Variants in LSG1 observed in about 807,000 individuals in gnomAD.
The protein encoded by LSG1 is large 60S subunit nuclear export GTPase 1.
Under a neutral mutation model 82.6 loss-of-function variants are expected in LSG1, and 55 were observed. The ratio of observed to expected loss-of-function variants is 0.67; its 90% CI spans 0.54 to 0.83. LSG1 has a LOEUF of 0.83. LSG1 is among the 40% of genes least tolerant of loss of function. LSG1 has a pLI of 0.00. For missense variants in LSG1, 809 were observed against 807.9 expected (o/e 1.00, Z -0.02); for synonymous variants, 272 against 282.5 (o/e 0.96, Z 0.37).
chr3:194,672,032 AAAGAT>A (rs762140029), intron 1 of LSG1, 27 bp downstream of exon 1: 55 of 1,593,862 alleles, frequency 3.5e-5, no homozygotes, highest in Admixed American at 5.0e-5. Context: ...GCTAGACAGA[AAAGAT>A]AAGAAAGATG....
Position 194,650,970 on chromosome 3 carries a change from G to T in LSG1, c.1330C>A (p.Pro444Thr), listed in dbSNP as rs373595145. 1 of 1,614,002 alleles carries T rather than the reference G, an allele frequency of 6.2e-7. No homozygotes were observed. Among genetic ancestry groups the T allele is most frequent in the African/African-American group, 1.3e-5 (1 of 74,900 alleles). Residue 444 changes from proline to threonine, a missense_variant, in exon 10 of 14, where the codon CCA becomes ACA. Physicochemically the swap from Pro to Thr is conservative, Grantham distance 38 (BLOSUM62 -1). Transcript: ENST00000265245. ...CLCDCPGLVM[P>T]SFVSTKAEMT... ...TCTGCCTTGGTAGACACAAAAGATG[G>T]CATCACCAAGCCAGGACAGTCACAC... is the stretch of plus-strand genomic sequence containing the variant.
intron 11 of LSG1, among the ~76,000 whole-genome samples, chr3:194,646,625 A>G (rs562452222): frequency 6.6e-6 from 1 of 152,310 alleles, no homozygotes; most frequent in African/African-American, 2.4e-5. Context: ...GGTTCAAGCA[A>G]TTCTGATGCC....
intron 13 of LSG1, 47 bp from the exon 14 acceptor site, chr3:194,642,294 T>C (rs1258497498): frequency 1.3e-6 from 2 of 1,549,802 alleles, no homozygotes; most frequent in South Asian, 2.3e-5. Context: ...CAGGCTATCC[T>C]TTAAGGGATA....
At chr3:194,646,477 T>C (rs888293658) in intron 11 of LSG1, 1 of 381,392 alleles carries the variant, frequency 2.6e-6, no homozygotes, top group African/African-American at 2.1e-5. Context: ...GAAAGACAAA[T>C]TCGATTTCTC....
In LSG1 at chr3:194,659,067, G is replaced by GC; in HGVS notation, c.648dup (p.Leu217AlafsTer4). 1 of 1,614,060 alleles carries GC rather than the reference G, an allele frequency of 6.2e-7. No homozygotes were observed. The highest frequency in any genetic ancestry group is 1.1e-5 in the South Asian group (1 of 91,078). On this transcript the variant is annotated frameshift_variant, in exon 7 of 14. Transcript: ENST00000265245. LOFTEE classifies it high-confidence loss of function. ...CAGGCACTCCGCTGCTCAGCAGTCA[G>GC]CAAGTCTGCCTTGTTGATCAGAATG...
Position 194,644,647 on chromosome 3 carries a change from T to G in LSG1, c.1723A>C (p.Ile575Leu). 6.2e-7 allele frequency: 1 copy of G among 1,613,484 alleles called. No individual in the cohort carries two copies. Residue 575 changes from isoleucine (I) to leucine (L), a missense_variant, in exon 13 of 14, where the codon ATA becomes CTA. Ile to Leu is a conservative substitution (Grantham distance 5). Transcript: ENST00000265245. ...LLENKMNSDE[I>L]KMQLGRNKKA... ...TTATTTCTGCCTAGCTGCATTTTTA[T>G]TTCATCACTGTTCATTTTGTTCTCT...
In LSG1 at chr3:194,642,187, C is replaced by G. The variant is rs770014838; in HGVS notation, c.1858G>C (p.Gly620Arg). 6.2e-7 allele frequency: 1 copy of G among 1,614,116 alleles called. No homozygotes were observed. The highest frequency in any genetic ancestry group is 8.5e-7 in the Non-Finnish European group (1 of 1,180,028). Reference sequence around the variant, plus strand: ...CTCGCAGTGGATGCAGTCACTACACCACTCCCGGGCTTGTAACCCATCACA... The same window carrying G: ...CTCGCAGTGGATGCAGTCACTACACGACTCCCGGGCTTGTAACCCATCACA... Reference protein sequence around the residue: ...QAVMGYKPGSGVVTASTASSE... With the variant: ...QAVMGYKPGSRVVTASTASSE... The change falls in exon 14 of 14, where the codon GGT (glycine) becomes CGT (arginine). Residue 620 changes from glycine (G) to arginine (R), a missense_variant. Physicochemically the swap from Gly to Arg is moderately radical, Grantham distance 125. Coordinates refer to ENST00000265245, the MANE Select transcript of LSG1 (RefSeq NM_018385.3).
intron 10 of LSG1, among the ~76,000 whole-genome samples, chr3:194,650,101 G>C (rs1488477738): frequency 6.6e-6 from 1 of 152,062 alleles, no homozygotes. Flanking sequence ...TGTATTTTTA[G>C]TAGAGACAGG....
chr3:194,665,875 T>C (rs1719019935), intron 4 of LSG1, among the ~76,000 whole-genome samples: 1 of 152,200 alleles, frequency 6.6e-6, no homozygotes, highest in East Asian at 1.9e-4. Context: ...AGTTTACCTA[T>C]CACACAAAGT....
chr3:194,667,666 G>A (rs917823510), intron 2 of LSG1, among the ~76,000 whole-genome samples: 1 of 151,662 alleles, frequency 6.6e-6, no homozygotes. Flanking sequence ...GCTCACGTCT[G>A]TAATCCCAGC....
intron 7 of LSG1, among the ~76,000 whole-genome samples, chr3:194,655,609 T>A (rs1205524646): frequency 1.3e-5 from 2 of 152,210 alleles, no homozygotes; most frequent in Non-Finnish European, 2.9e-5. Context: ...ATTAATTTTA[T>A]GGGTTAGTTT....
At chr3:194,669,146 C>T (rs1438039029) in intron 2 of LSG1, among the ~76,000 whole-genome samples, 2 of 152,092 alleles carry the variant, frequency 1.3e-5, no homozygotes, top group Non-Finnish European at 1.5e-5. Flanking sequence ...TTAATAATAA[C>T]ACATTTATTA....
chr3:194,667,303 G>A (rs962473743), intron 2 of LSG1, among the ~76,000 whole-genome samples: 3 of 151,914 alleles, frequency 2.0e-5, no homozygotes, highest in Admixed American at 6.6e-5. Flanking sequence ...CGCCCGCCTC[G>A]GCCTCCCAAA....
chr3:194,666,102 T>C, intron 4 of LSG1, 101 bp downstream of exon 4: 1 of 1,047,622 alleles, frequency 9.5e-7, no homozygotes, highest in African/African-American at 1.6e-5. Context: ...ATTTCCTTCT[T>C]AAAAGAATCA....
At chr3:194,669,222 T>C (rs926328592) in intron 2 of LSG1, among the ~76,000 whole-genome samples, 11 of 152,322 alleles carry the variant, frequency 7.2e-5, no homozygotes, top group South Asian at 2.1e-4. Flanking sequence ...AAAAAAACAA[T>C]GTGAGGTGAT....
chr3:194,654,620 A>T (rs1384603199), intron 7 of LSG1, among the ~76,000 whole-genome samples: 1 of 152,214 alleles, frequency 6.6e-6, no homozygotes, highest in African/African-American at 2.4e-5. Context: ...CAGTGTCGTC[A>T]CTGTGGGCTC....
In LSG1 at chr3:194,672,134, C is replaced by T; in HGVS notation, c.29G>A (p.Gly10Glu). 6.2e-7 allele frequency: 1 copy of T among 1,606,178 alleles called. No individual in the cohort carries two copies. The highest frequency in any genetic ancestry group is 8.5e-7 in the Non-Finnish European group (1 of 1,179,972). Residue 10 changes from glycine to glutamate, a missense_variant, in exon 1 of 14, where the codon GGG becomes GAG. Gly to Glu is a moderately conservative substitution (Grantham distance 98). Transcript: ENST00000265245. Reference sequence around the variant, plus strand: ...GCGCATAAGGGCCCGTCCCAGCGACCCACCGGCCGGGGCTCTCCTCCGGCC... The same window carrying T: ...GCGCATAAGGGCCCGTCCCAGCGACTCACCGGCCGGGGCTCTCCTCCGGCC... MGRRRAPAG[G>E]SLGRALMRHQ...
chr3:194,648,719 C>T lies in LSG1; in HGVS notation c.1505G>A (p.Arg502Gln), dbSNP rs377238265. 137 of 1,613,890 alleles carry T rather than the reference C, an allele frequency of 8.5e-5. No homozygotes were observed. Among genetic ancestry groups the T allele is most frequent in the East Asian group, 1.1e-4 (5 of 44,894 alleles). The part of the protein sequence containing the change: ...ITPREDEDPH[R>Q]PPTSEELLTA... ...CAACAGTTCTTCCGATGTTGGAGGT[C>T]GGTGGGGATCTTCATCCTCTCTAGG... Residue 502 changes from arginine (R) to glutamine (Q), a missense_variant, in exon 11 of 14, where the codon CGA becomes CAA. Arg to Gln is a conservative substitution (Grantham distance 43). Coordinates refer to ENST00000265245, the MANE Select transcript of LSG1 (RefSeq NM_018385.3).
intron 4 of LSG1, 133 bp from the exon 5 acceptor site, chr3:194,665,776 T>C: frequency 1.7e-6 from 1 of 575,666 alleles, no homozygotes; most frequent in Non-Finnish European, 3.1e-6. Flanking sequence ...ATTTTATATA[T>C]TTCCTGCTGA....
Sources: gnomAD v4.1 joint callset for allele counts (sites outside exome capture counted in the v4.1 genomes callset) on GRCh38, gnomAD v4.1.1 for gene constraint, MANE v1.5 for transcripts, NCBI Gene and HGNC (gene_info 2026-07-23, HGNC 2026-07-21) for gene names.